ANO3: variants seen among roughly 807,000 people sequenced by gnomAD.
The protein encoded by ANO3 is anoctamin-3.
In ANO3, 99 loss-of-function variants were observed where a neutral mutation model predicts 144.8. The observed-to-expected ratio is 0.68, with a 90% CI of 0.58 to 0.81. The LOEUF is 0.81. Among genes scored for constraint, ANO3 ranks in the 30% least tolerant of loss-of-function variants. ANO3 has a pLI of 0.00. For synonymous variants in ANO3, 414 were observed against 392.6 expected (o/e 1.05, Z -0.64); for missense variants, 905 against 1,202.2 (o/e 0.75, Z 3.66).
chr11:26,400,078 G>A (rs180784695), intron 1 of ANO3, among the ~76,000 whole-genome samples: 2 of 152,100 alleles, frequency 1.3e-5, no homozygotes, highest in East Asian at 3.9e-4. Flanking sequence ...GTACCCAAGT[G>A]TAATAATTGT....
chr11:26,597,215 C>T (rs1250774823), intron 14 of ANO3, among the ~76,000 whole-genome samples: 7 of 152,228 alleles, frequency 4.6e-5, no homozygotes, highest in East Asian at 1.9e-4. Context: ...CAAGATGGGG[C>T]GGGCTGCTCC....
rs529210563 is a variant in ANO3 at position 26,598,235 on chromosome 11, G to T, written c.1448-130G>T. 12 of 390,726 alleles carry T rather than the reference G, an allele frequency of 3.1e-5. 1 individual carries two copies. The Middle Eastern group carries it at 3.0e-3, about 97-fold the overall frequency. 24.2% of individuals were successfully genotyped at this position (390,726 alleles called of 1,614,324 possible). A position where few individuals can be genotyped will look rare whatever the true frequency, so the allele number is the denominator to read the frequency against. On this transcript the variant is annotated intron_variant, in intron 14 of 26. Coordinates refer to ENST00000256737, the MANE Select transcript of ANO3 (RefSeq NM_031418.4). ...TATAAACACAGGGAGAAGAGGAAAA[G>T]GGAAAAATAAAATTTTAATTTATTA...
At chr11:26,466,337 T>C (rs370615391) in intron 4 of ANO3, among the ~76,000 whole-genome samples, 37 of 151,990 alleles carry the variant, frequency 2.4e-4, no homozygotes, top group Admixed American at 1.4e-3. Context: ...TTGTGGTAGA[T>C]ATAAAATTGG....
At chr11:26,277,179 T>C (rs991773143) in intron 1 of ANO3, among the ~76,000 whole-genome samples, 2 of 152,150 alleles carry the variant, frequency 1.3e-5, no homozygotes, top group Non-Finnish European at 2.9e-5. Flanking sequence ...TCTTAGTAAC[T>C]ATTTTTGATG....
chr11:26,369,369 C>T (rs1014978407), intron 1 of ANO3, among the ~76,000 whole-genome samples: 3 of 151,786 alleles, frequency 2.0e-5, no homozygotes, highest in African/African-American at 7.3e-5. Flanking sequence ...CAGTGTTTTC[C>T]TCCTCCTCTT....
chr11:26,441,856 CTTTTTA>C, intron 1 of ANO3, 56 bp from the exon 2 acceptor site: 1 of 1,297,834 alleles, frequency 7.7e-7, no homozygotes, highest in Non-Finnish European at 1.1e-6. Context: ...AGAATTAAAA[CTTTTTA>C]TTGACCTCTA....
chr11:26,558,800 G>T (rs533806538), intron 13 of ANO3, among the ~76,000 whole-genome samples: 2 of 152,034 alleles, frequency 1.3e-5, no homozygotes, highest in African/African-American at 4.8e-5. Context: ...GCACCCTCTG[G>T]ATGTCAGATT....
intron 1 of ANO3, among the ~76,000 whole-genome samples, chr11:26,342,193 A>G (rs1306412584): frequency 1.3e-5 from 2 of 152,218 alleles, no homozygotes; most frequent in Non-Finnish European, 2.9e-5. Flanking sequence ...GTTGGCAGAA[A>G]TATGAGGATT....
At chr11:26,267,087 G>A (rs1158921515) in intron 1 of ANO3, among the ~76,000 whole-genome samples, 9 of 144,828 alleles carry the variant, frequency 6.2e-5, no homozygotes, top group African/African-American at 1.8e-4. Flanking sequence ...GCAAGATTCC[G>A]TCAAACAAAC....
intron 1 of ANO3, among the ~76,000 whole-genome samples, chr11:26,251,908 C>T (rs182066531): frequency 6.6e-6 from 1 of 152,300 alleles, no homozygotes; most frequent in African/African-American, 2.4e-5. Context: ...CCTTCCTCCA[C>T]ACCTGGGGAT....
At chr11:26,442,213 C>T (rs1858545584) in intron 2 of ANO3, 101 bp downstream of exon 2, 1 of 1,169,144 alleles carries the variant, frequency 8.6e-7, no homozygotes. Flanking sequence ...TTATAGAGCT[C>T]TTCAGGAAGG....
chr11:26,519,381 G>C (rs947911579), intron 6 of ANO3, among the ~76,000 whole-genome samples: 1 of 152,076 alleles, frequency 6.6e-6, no homozygotes, highest in South Asian at 2.1e-4. Flanking sequence ...ATTTTACTTA[G>C]ATCTGGCACA....
chr11:26,399,045 C>A (rs935640942), intron 1 of ANO3, among the ~76,000 whole-genome samples: 6 of 151,822 alleles, frequency 4.0e-5, no homozygotes, highest in African/African-American at 1.5e-4. Context: ...ATTTGTACAC[C>A]TCTTCAGCTT....
intron 1 of ANO3, among the ~76,000 whole-genome samples, chr11:26,247,153 CT>C (rs1852815696): frequency 1.3e-5 from 2 of 152,120 alleles, no homozygotes; most frequent in South Asian, 4.1e-4. Context: ...TTGAAAATGT[CT>C]TTCCTCACAC....
intron 14 of ANO3, among the ~76,000 whole-genome samples, chr11:26,580,710 C>G (rs941311880): frequency 6.6e-6 from 1 of 152,150 alleles, no homozygotes. Context: ...ATATAGTGTT[C>G]TCTTAAAAGA....
intron 19 of ANO3, 82 bp from the exon 20 acceptor site, chr11:26,634,931 C>T (rs1390695232): frequency 9.0e-7 from 1 of 1,114,244 alleles, no homozygotes; most frequent in Non-Finnish European, 1.4e-6. Context: ...TCTACCCACA[C>T]ATGCACTCGT....
At chr11:26,377,427 A>T (rs559977381) in intron 1 of ANO3, among the ~76,000 whole-genome samples, 1 of 152,260 alleles carries the variant, frequency 6.6e-6, no homozygotes, top group Admixed American at 6.5e-5. Context: ...TCATTAGCAT[A>T]AAAAGTTCAC....
intron 1 of ANO3, among the ~76,000 whole-genome samples, chr11:26,237,714 T>C (rs898431621): frequency 6.6e-6 from 1 of 152,072 alleles, no homozygotes; most frequent in Non-Finnish European, 1.5e-5. Context: ...TCTAAAGTAG[T>C]CTTTTTTTGT....
At chr11:26,242,331 A>G (rs1469439321) in intron 1 of ANO3, among the ~76,000 whole-genome samples, 2 of 152,072 alleles carry the variant, frequency 1.3e-5, no homozygotes, top group East Asian at 3.9e-4. Flanking sequence ...ATACTATTCC[A>G]TCCATATGAA....
Sources: allele counts gnomAD v4.1 joint callset (sites outside exome capture counted in the v4.1 genomes callset), GRCh38; gene constraint gnomAD v4.1.1; transcripts MANE v1.5; gene names NCBI Gene and HGNC (gene_info 2026-07-23, HGNC 2026-07-21).